The following SCAF11 variants were observed in gnomAD, a reference collection of about 807,000 sequenced individuals.
SCAF11 encodes the protein protein SCAF11.
Under a neutral mutation model 140.5 loss-of-function variants are expected in SCAF11, and 47 were observed. The ratio of observed to expected loss-of-function variants is 0.33; its 90% confidence interval spans 0.26 to 0.43. The LOEUF is 0.43. SCAF11 is among the 20% of genes least tolerant of loss of function. The pLI is 1.00. For missense variants in SCAF11, 1,645 were observed against 1,705.1 expected (o/e 0.96, Z 0.62); for synonymous variants, 557 against 579.4 (o/e 0.96, Z 0.55).
At chr12:45,941,618 T>C (rs1212233173) in intron 6 of SCAF11, among the ~76,000 whole-genome samples, 1 of 152,130 alleles carries the variant, frequency 6.6e-6, no homozygotes, top group Non-Finnish European at 1.5e-5. Context: ...AATTCTTCAT[T>C]ATACCCTCCC....
upstream of SCAF11, chr12:45,990,699 T>G (rs956688950): frequency 6.6e-6 from 5 of 761,256 alleles, no homozygotes; most frequent in Admixed American, 4.5e-5. Flanking sequence ...CGCCACATTC[T>G]GCTTACTCGC....
At chr12:45,942,421 A>C (rs762672937) in intron 6 of SCAF11, among the ~76,000 whole-genome samples, 2 of 152,236 alleles carry the variant, frequency 1.3e-5, no homozygotes, top group African/African-American at 4.8e-5. Flanking sequence ...TTATTCGTCT[A>C]TGATTTTCTT....
chr12:45,966,376 TAG>T (rs1945948174), intron 1 of SCAF11, among the ~76,000 whole-genome samples: 1 of 151,806 alleles, frequency 6.6e-6, no homozygotes, highest in East Asian at 1.9e-4. Flanking sequence ...TAGAATACTA[TAG>T]GTATACTAGG....
chr12:45,961,869 A>G lies in SCAF11; in HGVS notation c.62-12T>C, dbSNP rs529921156. On this transcript the variant is annotated splice_polypyrimidine_tract_variant and intron_variant, in intron 2 of 14. Transcript: ENST00000369367. ...TCCGTTTTCTTCACCTGTTAAAGTA[A>G]AACAGCCATATGTGCTTTCAAGTTC... 5 of 1,592,528 alleles carry G rather than the reference A, an allele frequency of 3.1e-6. No homozygotes were observed. In the South Asian group the frequency reaches 5.8e-5, roughly 18 times the overall value.
chr12:45,950,745 T>C (rs11574965), intron 4 of SCAF11, among the ~76,000 whole-genome samples: 190 of 152,276 alleles, frequency 1.2e-3, no homozygotes, highest in African/African-American at 4.4e-3. Flanking sequence ...GGTAAAAATA[T>C]ATCAAAACAA....
At chr12:45,940,899 G>C (rs1405444528) in intron 6 of SCAF11, among the ~76,000 whole-genome samples, 7 of 152,234 alleles carry the variant, frequency 4.6e-5, no homozygotes, top group Non-Finnish European at 1.0e-4. Flanking sequence ...AACTTCCCCA[G>C]GCTCAGGTGA....
At chr12:45,930,255 T>C (rs559102995) in intron 10 of SCAF11, among the ~76,000 whole-genome samples, 20 of 152,336 alleles carry the variant, frequency 1.3e-4, no homozygotes, top group African/African-American at 4.8e-4. Context: ...TTGGGAGCAC[T>C]TCCTACATCA....
Position 45,922,104 on chromosome 12 carries a change from C to A in SCAF11, c.4336G>T (p.Gly1446Trp). ...YVDKYKYSRK[G>W]SQKKTLEEPV... is the part of the protein sequence containing the mutation. ...TCTTCCAGAGTTTTCTTTTGGCTCC[C>A]CTTCCGTGAATATTTGTATTTGTCT... Residue 1446 changes from glycine (G) to tryptophan (W), a missense_variant, in exon 15 of 15, where the codon GGG becomes TGG. This residue lies in a region of SCAF11 where 63 missense variants were observed against 95.9 expected (regional missense o/e 0.66). Transcript: ENST00000369367. 6.2e-7 allele frequency: 1 copy of A among 1,613,570 alleles called. No individual in the cohort carries two copies. Among genetic ancestry groups the A allele is most frequent in the East Asian group, 2.2e-5 (1 of 44,828 alleles).
intron 4 of SCAF11, among the ~76,000 whole-genome samples, chr12:45,950,248 A>T (rs1005567786): frequency 1.3e-5 from 2 of 152,126 alleles, no homozygotes; most frequent in Admixed American, 6.5e-5. Flanking sequence ...AATTGAGAAG[A>T]GGTAGTTGTA....
chr12:45,968,944 C>CA (rs972540419), intron 1 of SCAF11, among the ~76,000 whole-genome samples: 25 of 151,924 alleles, frequency 1.6e-4, no homozygotes, highest in African/African-American at 5.5e-4. Context: ...CCCAAAAACG[C>CA]AAAAAACAAA....
intron 1 of SCAF11, among the ~76,000 whole-genome samples, chr12:45,968,528 T>C (rs772929293): frequency 6.6e-6 from 1 of 152,088 alleles, no homozygotes; most frequent in Non-Finnish European, 1.5e-5. Flanking sequence ...AGCTTGGAAT[T>C]TAAAATTTAA....
chr12:45,977,886 TAAC>T (rs1257683151), intron 1 of SCAF11, among the ~76,000 whole-genome samples: 6 of 152,138 alleles, frequency 3.9e-5, no homozygotes, highest in South Asian at 2.1e-4. Context: ...AGGCTCAATT[TAAC>T]AACTGCACTA....
chr12:45,966,689 G>A (rs149110091), intron 1 of SCAF11, among the ~76,000 whole-genome samples: 1 of 152,074 alleles, frequency 6.6e-6, no homozygotes, highest in Non-Finnish European at 1.5e-5. Context: ...TCTTGGCAGA[G>A]AGAATAGCCA....
intron 6 of SCAF11, among the ~76,000 whole-genome samples, chr12:45,942,087 C>G (rs1304276694): frequency 2.0e-5 from 3 of 152,186 alleles, no homozygotes; most frequent in Non-Finnish European, 4.4e-5. Flanking sequence ...TGTAGGAATA[C>G]TGTATATAAT....
At chr12:45,925,600 G>A (rs1435327424) in intron 11 of SCAF11, among the ~76,000 whole-genome samples, 1 of 151,688 alleles carries the variant, frequency 6.6e-6, no homozygotes, top group Non-Finnish European at 1.5e-5. Context: ...ATAAGTTCAT[G>A]CAAAACATAC....
At chr12:45,949,136 T>A (rs1428059258) in intron 4 of SCAF11, among the ~76,000 whole-genome samples, 2 of 152,140 alleles carry the variant, frequency 1.3e-5, no homozygotes, top group African/African-American at 4.8e-5. Context: ...ATATGGGGAA[T>A]CAACCAGTTA....
At chr12:45,923,300 A>T (rs1944761393) in intron 12 of SCAF11, 146 bp from the exon 13 acceptor site, 3 of 648,640 alleles carry the variant, frequency 4.6e-6, no homozygotes, top group Non-Finnish European at 7.9e-6. Flanking sequence ...ATTATATCTA[A>T]AGGGCCCTTT....
intron 11 of SCAF11, 109 bp from the exon 12 acceptor site, chr12:45,925,183 A>G: frequency 1.4e-6 from 1 of 736,212 alleles, no homozygotes; most frequent in South Asian, 1.9e-5. Context: ...TAATAGGCTC[A>G]GTATACCAAT....
chr12:45,985,757 C>T (rs1000673344), intron 1 of SCAF11, among the ~76,000 whole-genome samples: 1 of 152,100 alleles, frequency 6.6e-6, no homozygotes, highest in Non-Finnish European at 1.5e-5. Context: ...AAACTTTGAT[C>T]TCAATACTTT....
Sources: gnomAD v4.1 joint callset for allele counts (sites outside exome capture counted in the v4.1 genomes callset) on GRCh38, gnomAD v4.1.1 for gene constraint, gnomAD v4.1.1 regional missense constraint, MANE v1.5 for transcripts, NCBI Gene and HGNC (gene_info 2026-07-23, HGNC 2026-07-21) for gene names.